Variants in PC observed in about 807,000 individuals in gnomAD.
PC encodes the protein pyruvate carboxylase, also known as pyruvate carboxylase, mitochondrial.
PC carries 46 observed loss-of-function variants against 107.8 expected under a neutral mutation model. That is an observed-to-expected ratio of 0.43 (90% confidence interval 0.34 to 0.55). The LOEUF is 0.55. Ranked by LOEUF, PC falls within the 20% of genes least tolerant of loss-of-function variation. PC has a pLI of 0.04. For missense variants in PC, 1,241 were observed against 1,643.1 expected (o/e 0.76, Z 4.23); for synonymous variants, 662 against 684.7 (o/e 0.97, Z 0.52).
At position 66,881,945 on chromosome 11, in the gene PC, C is replaced by G. The variant is rs1205342217; in HGVS notation, c.1-9786G>C. On this transcript the variant is annotated intron_variant, in intron 3 of 22. Transcript: ENST00000393960. ...CATCAGGAGCACAGTGTGACAGGCA[C>G]TTGGAAACCAAAATACCAAAACCAA... Among the ~76,000 whole-genome samples the G allele has an allele frequency of 2.0e-5, 3 of 152,290 alleles. No individual in the cohort carries two copies. The East Asian group carries it at 5.8e-4, about 29-fold the overall frequency.
chr11:66,895,533 G>T (rs1253969339), intron 3 of PC, among the ~76,000 whole-genome samples: 1 of 152,130 alleles, frequency 6.6e-6, no homozygotes, highest in Non-Finnish European at 1.5e-5. Context: ...AATAAGAAAC[G>T]ATTACATCAG....
chr11:66,929,344 C>A (rs945760100), intron 3 of PC, among the ~76,000 whole-genome samples: 21 of 151,990 alleles, frequency 1.4e-4, no homozygotes, highest in African/African-American at 5.1e-4. Flanking sequence ...GATGCAAAGG[C>A]TCATCTTGAA....
At chr11:66,909,441 C>T (rs544449441) in intron 3 of PC, among the ~76,000 whole-genome samples, 24 of 152,252 alleles carry the variant, frequency 1.6e-4, no homozygotes, top group Non-Finnish European at 2.5e-4. Context: ...GTGTCCCTGC[C>T]GCTCCCCCCC....
chr11:66,855,046 G>A (rs1945720838), intron 12 of PC, among the ~76,000 whole-genome samples: 1 of 152,272 alleles, frequency 6.6e-6, no homozygotes, highest in Non-Finnish European at 1.5e-5. Flanking sequence ...AGGCCGCTGA[G>A]GAACCTGCAC....
intron 12 of PC, among the ~76,000 whole-genome samples, chr11:66,861,122 G>A (rs941629457): frequency 2.0e-5 from 3 of 152,216 alleles, no homozygotes; most frequent in African/African-American, 4.8e-5. Context: ...GCCTTCCTGG[G>A]AAGGCGGCCT....
intron 12 of PC, 113 bp from the exon 13 acceptor site, chr11:66,853,496 T>C: frequency 7.9e-7 from 1 of 1,268,092 alleles, no homozygotes; most frequent in African/African-American, 1.5e-5. Flanking sequence ...CCAGCACAGC[T>C]TCTGGGCCTC....
chr11:66,859,138 C>T (rs1335073034), intron 12 of PC: 5 of 1,473,494 alleles, frequency 3.4e-6, no homozygotes, highest in South Asian at 2.9e-5. Context: ...CGGCGCCCTT[C>T]CTCCGCCCTC....
chr11:66,875,651 G>A (rs1263170725), intron 3 of PC, among the ~76,000 whole-genome samples: 4 of 152,108 alleles, frequency 2.6e-5, no homozygotes, highest in African/African-American at 9.7e-5. Flanking sequence ...GATGGGGCGC[G>A]AGTTGGGCAG....
In PC at chr11:66,944,962, C is replaced by T. The variant is rs929135798; in HGVS notation, c.-1+7468G>A. Reference sequence around the variant, plus strand: ...CTGCATCTAGTTATCATCCAAGACGCAGATTTCTAACAAGAATTTGATGGC... The same window carrying T: ...CTGCATCTAGTTATCATCCAAGACGTAGATTTCTAACAAGAATTTGATGGC... On this transcript the variant is annotated intron_variant, in intron 3 of 22. Transcript: ENST00000393960. Among the ~76,000 whole-genome samples the T allele has an allele frequency of 1.9e-4, 22 of 117,810 alleles. 8 individuals carry two copies. In the East Asian group the frequency reaches 5.3e-3, roughly 28 times the overall value. The allele number at this position is 117,810 out of a possible 152,430, so 77.3% of individuals were successfully genotyped here. A position where few individuals can be genotyped will look rare whatever the true frequency, so the allele number is the denominator to read the frequency against.
At chr11:66,928,465 CA>C (rs1240595913) in intron 3 of PC, among the ~76,000 whole-genome samples, 1 of 150,952 alleles carries the variant, frequency 6.6e-6, no homozygotes. Flanking sequence ...GCAGAATGAC[CA>C]TGGGGTGTTC....
rs940286072 is a variant in PC, at chr11:66,853,343, T to C, written c.1409A>G (p.Gln470Arg). The C allele has an allele frequency of 8.7e-6, 14 of 1,613,914 alleles. No individual in the cohort carries two copies. The highest frequency in any genetic ancestry group is 3.4e-6 in the Non-Finnish European group (4 of 1,179,986). Residue 470 changes from glutamine to arginine, a missense_variant, in exon 13 of 23, where the codon CAG (glutamine) becomes CGG (arginine). This residue lies in a region of PC where 1,143 missense variants were observed against 1,551.9 expected (regional missense o/e 0.74). Coordinates refer to ENST00000393960, the MANE Select transcript of PC (RefSeq NM_001040716.2). The part of the protein sequence containing the change: ...AFLQNVLNNQ[Q>R]FLAGTVDTQF... ...GGTGTCCACAGTGCCTGCCAGGAAC[T>C]GCTGGTTGTTGAGCACATTCTGCAG...
rs1352920725 is a variant in PC at position 66,850,748 on chromosome 11, G to A, written c.2399C>T (p.Ser800Phe). The change falls in exon 18 of 23, where the codon TCC (serine) becomes TTC (phenylalanine). Residue 800 changes from serine (S) to phenylalanine (F), a missense_variant. Physicochemically the swap from Ser to Phe is radical, Grantham distance 155. This residue lies in a region of PC where 1,143 missense variants were observed against 1,551.9 expected (regional missense o/e 0.74). Coordinates refer to ENST00000393960, the MANE Select transcript of PC (RefSeq NM_001040716.2). ...GADVVDVAAD[S>F]MSGMTSQPSM... is the part of the protein sequence containing the mutation. Reference sequence around the variant, plus strand: ...GGGCTGTGAAGTCATCCCAGACATGGAATCAGCTGCCACATCCACCACATC... The same window carrying A: ...GGGCTGTGAAGTCATCCCAGACATGAAATCAGCTGCCACATCCACCACATC... The A allele has an allele frequency of 1.9e-6, 3 of 1,611,426 alleles. No individual in the cohort carries two copies. Among genetic ancestry groups the A allele is most frequent in the Non-Finnish European group, 2.5e-6 (3 of 1,179,924 alleles).
intron 3 of PC, among the ~76,000 whole-genome samples, chr11:66,877,503 C>G (rs1316312016): frequency 6.6e-6 from 1 of 152,240 alleles, no homozygotes; most frequent in Admixed American, 6.5e-5. Context: ...TCCTGGCTAA[C>G]ACGGTGAAAC....
At chr11:66,903,752 G>GAAAAA (rs1175402409) in intron 3 of PC, among the ~76,000 whole-genome samples, 6 of 76,186 alleles carry the variant, frequency 7.9e-5, no homozygotes, top group East Asian at 3.9e-4. Context: ...TCCATCTCAG[G>GAAAAA]AAAAAAAAAA....
rs537838934 is a variant in PC at position 66,934,959 on chromosome 11, GA to G, written c.-1+17470del. Reference sequence around the variant, plus strand: ...CACCTGGCACAGAAGCAGGATCAATGAGGTCATTACTACTCTTCCACGCTAG... The same window carrying G: ...CACCTGGCACAGAAGCAGGATCAATGGGTCATTACTACTCTTCCACGCTAG... On this transcript the variant is annotated intron_variant, in intron 3 of 22. Coordinates refer to ENST00000393960, the MANE Select transcript of PC (RefSeq NM_001040716.2). 5.5e-3 allele frequency among the ~76,000 whole-genome samples: 844 copies of G among 152,326 alleles called. 7 individuals are homozygous for G. Among genetic ancestry groups the G allele is most frequent in the Non-Finnish European group, 7.2e-3 (490 of 68,034 alleles).
At chr11:66,946,042 C>T (rs908801702) in intron 3 of PC, among the ~76,000 whole-genome samples, 17 of 146,662 alleles carry the variant, frequency 1.2e-4, no homozygotes, top group Non-Finnish European at 2.2e-4. Context: ...GCCAAGATTG[C>T]GCCACTGCAG....
chr11:66,928,402 A>AAC (rs1555045570), intron 3 of PC, among the ~76,000 whole-genome samples: 1 of 151,298 alleles, frequency 6.6e-6, no homozygotes, highest in African/African-American at 2.4e-5. Context: ...AAAAAAAAAA[A>AAC]CAAGAATCAG....
At chr11:66,863,377 A>G (rs1946357221) in intron 12 of PC, among the ~76,000 whole-genome samples, 1 of 152,192 alleles carries the variant, frequency 6.6e-6, no homozygotes, top group African/African-American at 2.4e-5. Flanking sequence ...TGTTCAAAAC[A>G]CAGGTTCTGG....
chr11:66,945,813 G>A lies in PC; in HGVS notation c.-1+6617C>T, dbSNP rs11607533. On this transcript the variant is annotated intron_variant, in intron 3 of 22. Transcript: ENST00000393960. ...TTTGTGTTAAGAAATCTGGCCGGGC[G>A]CGGTGGCTCACGCCTGTAATCCCAG... 4.5e-4 allele frequency among the ~76,000 whole-genome samples: 25 copies of A among 56,010 alleles called. 3 individuals carry two copies. Among genetic ancestry groups the A allele is most frequent in the Non-Finnish European group, 9.5e-4 (22 of 23,174 alleles). The allele number at this position is 56,010 out of a possible 152,430, so 36.7% of individuals were successfully genotyped here.
Sources: gnomAD v4.1 joint callset for allele counts (sites outside exome capture counted in the v4.1 genomes callset) on GRCh38, gnomAD v4.1.1 for gene constraint, gnomAD v4.1.1 regional missense constraint, MANE v1.5 for transcripts, NCBI Gene and HGNC (gene_info 2026-07-23, HGNC 2026-07-21) for gene names.